NOXRED1: variants seen among roughly 807,000 people sequenced by gnomAD.
NOXRED1 encodes NADP dependent oxidoreductase domain containing 1, also known as NADP-dependent oxidoreductase domain-containing protein 1.
NOXRED1 carries 20 observed loss-of-function variants against 30.4 expected under a neutral mutation model. That is an observed-to-expected ratio of 0.66 (90% CI 0.46 to 0.96). The LOEUF is 0.96. Ranked by LOEUF, NOXRED1 falls within the 40% of genes least tolerant of loss-of-function variation. The pLI, the probability that NOXRED1 is intolerant of heterozygous loss-of-function variation, is 0.00. For synonymous variants in NOXRED1, 155 were observed against 168.0 expected, an observed-to-expected ratio of 0.92 and a Z score of 0.60; for missense variants, 374 against 428.0, an observed-to-expected ratio of 0.87 and a Z score of 1.11.
chr14:77,405,450 G>A (rs1258393305), intron 5 of NOXRED1, among the ~76,000 whole-genome samples: 2 of 152,102 alleles, frequency 1.3e-5, no homozygotes, highest in Non-Finnish European at 2.9e-5. Context: ...GCAAAATTGG[G>A]GATGAGAGGA....
chr14:77,412,866 CA>C (rs1347900801), intron 2 of NOXRED1, among the ~76,000 whole-genome samples: 1 of 150,310 alleles, frequency 6.7e-6, no homozygotes, highest in Non-Finnish European at 1.5e-5. Flanking sequence ...TAAAAAAAAA[CA>C]GAATACAAAC....
chr14:77,395,096 CT>C lies in NOXRED1; in HGVS notation c.906-292del, dbSNP rs1011301195. 5.0e-5 allele frequency among the ~76,000 whole-genome samples: 7 copies of C among 139,398 alleles called. 1 individual carries two copies. In the Admixed American group the frequency reaches 5.3e-4, roughly 11 times the overall value. The allele number at this position is 139,398 out of a possible 152,430, so 91.5% of individuals were successfully genotyped here. A position where few individuals can be genotyped will look rare whatever the true frequency, so the allele number is the denominator to read the frequency against. On this transcript the variant is annotated intron_variant, in intron 5 of 5. Transcript: ENST00000380835. ...TTGACACCCTTTGCAGAAAATTTTT[CT>C]TTTTTTTCTTTCTTTTTTTTTTTTT...
At chr14:77,405,878 A>T in intron 5 of NOXRED1, 35 bp downstream of exon 5, 4 of 1,250,506 alleles carry the variant, frequency 3.2e-6, no homozygotes, top group Non-Finnish European at 4.7e-6. Flanking sequence ...AGAGTCTGGG[A>T]GAAATGAGAA....
At chr14:77,395,000 A>G (rs1291852506) in intron 5 of NOXRED1, among the ~76,000 whole-genome samples, 195 bp from the exon 6 acceptor site, 1 of 152,140 alleles carries the variant, frequency 6.6e-6, no homozygotes, top group Admixed American at 6.5e-5. Flanking sequence ...GTGATTTCTC[A>G]CACTTATGTA....
At chr14:77,399,347 G>C (rs979940278) in intron 5 of NOXRED1, among the ~76,000 whole-genome samples, 5 of 152,084 alleles carry the variant, frequency 3.3e-5, no homozygotes, top group African/African-American at 1.2e-4. Context: ...CCAGCTACTC[G>C]GGAGAGGTGG....
chr14:77,403,038 A>T (rs548564437), intron 5 of NOXRED1, among the ~76,000 whole-genome samples: 8 of 150,474 alleles, frequency 5.3e-5, no homozygotes, highest in Non-Finnish European at 1.2e-4. Flanking sequence ...TCCGTCTCAG[A>T]AAAAAAAAAG....
intron 2 of NOXRED1, among the ~76,000 whole-genome samples, chr14:77,407,907 G>A (rs921283384): frequency 5.9e-5 from 8 of 136,382 alleles, no homozygotes; most frequent in Non-Finnish European, 1.2e-4. Context: ...TCACTCTGAC[G>A]CCCAGGCTGC....
intron 5 of NOXRED1, among the ~76,000 whole-genome samples, chr14:77,399,601 GC>G (rs775813474): frequency 6.6e-6 from 1 of 152,116 alleles, no homozygotes; most frequent in Admixed American, 6.6e-5. Flanking sequence ...TATCTTTGAG[GC>G]CCCTATTAGT....
At chr14:77,421,741 C>T (rs1248275718) in intron 1 of NOXRED1, among the ~76,000 whole-genome samples, 3 of 152,172 alleles carry the variant, frequency 2.0e-5, no homozygotes, top group East Asian at 1.9e-4. Flanking sequence ...GGTATACTTT[C>T]GTTGCTATAT....
At chr14:77,401,014 C>T (rs1894314141) in intron 5 of NOXRED1, among the ~76,000 whole-genome samples, 1 of 152,188 alleles carries the variant, frequency 6.6e-6, no homozygotes, top group Non-Finnish European at 1.5e-5. Flanking sequence ...AACTGAACTA[C>T]ACATTCAACG....
At chr14:77,423,792 T>C (rs1181640785), upstream of NOXRED1, among the ~76,000 whole-genome samples, 1 of 152,222 alleles carries the variant, frequency 6.6e-6, no homozygotes, top group East Asian at 1.9e-4. Flanking sequence ...TGAGTTAGTT[T>C]ACAACTCCTT....
chr14:77,407,661 G>A lies in NOXRED1; in HGVS notation c.350-16C>T. 6.3e-7 allele frequency: 1 copy of A among 1,597,258 alleles called. No homozygotes were observed. Among genetic ancestry groups the A allele is most frequent in the Non-Finnish European group, 8.6e-7 (1 of 1,164,804 alleles). Reference sequence around the variant, plus strand: ...TGGAGCTCACCTGGGAGGGATAAAGGAAGACAGGAAGAGCACAGTACTAAA... The same window carrying A: ...TGGAGCTCACCTGGGAGGGATAAAGAAAGACAGGAAGAGCACAGTACTAAA... On this transcript the variant is annotated splice_polypyrimidine_tract_variant and intron_variant, in intron 2 of 5. Coordinates refer to ENST00000380835, the MANE Select transcript of NOXRED1 (RefSeq NM_001113475.3).
intron 2 of NOXRED1, among the ~76,000 whole-genome samples, chr14:77,413,275 T>TA (rs1594877614): frequency 6.6e-6 from 1 of 150,476 alleles, no homozygotes; most frequent in East Asian, 2.0e-4. Context: ...AGTCTTACTC[T>TA]ATCTCCAGGC....
At position 77,422,806 on chromosome 14, in the gene NOXRED1, G is replaced by A. The variant is rs753693791; in HGVS notation, c.84C>T (p.Gly28=). ...EEDRIWLYLQ[G]RSRGLMIEAC... ...CCTCGATCATCAGTCCCCGAGAACG[G>A]CCCTGCAAATACAGCCAGATACGAT... is the stretch of plus-strand genomic sequence containing the variant. Residue 28 remains glycine (G), a synonymous_variant, in exon 1 of 6, where the codon GGC becomes GGT. Coordinates refer to ENST00000380835, the MANE Select transcript of NOXRED1 (RefSeq NM_001113475.3). The A allele has an allele frequency of 6.2e-7, 1 of 1,613,910 alleles. No individual in the cohort carries two copies. The highest frequency in any genetic ancestry group is 8.5e-7 in the Non-Finnish European group (1 of 1,179,838).
intron 4 of NOXRED1, 130 bp downstream of exon 4, chr14:77,406,594 C>T: frequency 8.6e-6 from 1 of 116,798 alleles, no homozygotes. Flanking sequence ...GTGCCTTACA[C>T]ACACACACAC....
intron 1 of NOXRED1, among the ~76,000 whole-genome samples, chr14:77,415,631 T>C (rs55809458): frequency 0.43 from 60,401 of 140,658 alleles, 13,969 homozygotes; most frequent in East Asian, 0.56. Context: ...GATAGATAGA[T>C]AGACAGACAG....
chr14:77,408,879 T>G (rs1465121511), intron 2 of NOXRED1, among the ~76,000 whole-genome samples: 4 of 145,674 alleles, frequency 2.7e-5, no homozygotes. Context: ...ATAAAAACAC[T>G]CACTGGTAGT....
chr14:77,423,049 C>T lies in NOXRED1; in HGVS notation c.-160G>A. The T allele has an allele frequency of 1.6e-6, 1 of 611,134 alleles. No individual in the cohort carries two copies. Among genetic ancestry groups the T allele is most frequent in the Non-Finnish European group, 2.9e-6 (1 of 349,374 alleles). 37.9% of individuals were successfully genotyped at this position (611,134 alleles called of 1,614,324 possible). On this transcript the variant is annotated 5_prime_UTR_variant, in exon 1 of 6. Transcript: ENST00000380835. ...TTCAGCACCTCTCTACTCCCAGATT[C>T]TGAATTTGGAATTCACCTCTCTTGA...
chr14:77,394,574 C>G lies in NOXRED1; in HGVS notation c.*57G>C. 7.5e-7 allele frequency: 1 copy of G among 1,331,938 alleles called. No homozygotes were observed. The highest frequency in any genetic ancestry group is 1.8e-5 in the Admixed American group (1 of 55,912). 82.5% of individuals were successfully genotyped at this position (1,331,938 alleles called of 1,614,324 possible). Reference sequence around the variant, plus strand: ...CCACAGTCAATTGTGATAATCAGGGCACAACTATTATAGGGAAAATCTGTG... The same window carrying G: ...CCACAGTCAATTGTGATAATCAGGGGACAACTATTATAGGGAAAATCTGTG... On this transcript the variant is annotated 3_prime_UTR_variant, in exon 6 of 6. Transcript: ENST00000380835.
Sources: gnomAD v4.1 joint callset for allele counts (sites outside exome capture counted in the v4.1 genomes callset) on GRCh38, gnomAD v4.1.1 for gene constraint, MANE v1.5 for transcripts, NCBI Gene and HGNC (gene_info 2026-07-23, HGNC 2026-07-21) for gene names.